Variants in IL3RA observed in about 807,000 individuals in gnomAD.
The protein encoded by IL3RA is interleukin 3 receptor subunit alpha.
A neutral mutation model predicts 52.3 loss-of-function variants in IL3RA; 73 were observed. That is an observed-to-expected ratio of 1.40 (90% CI 1.16 to 1.70). The LOEUF (loss-of-function observed/expected upper bound fraction) is 1.70. IL3RA is among the 40% of genes most tolerant of loss of function. The probability of loss-of-function intolerance (pLI) is 0.00; values close to 1 mark genes in which losing one functional copy is unlikely to be tolerated. For synonymous variants in IL3RA, 260 were observed against 194.0 expected (o/e 1.34, Z -2.83); for missense variants, 664 against 504.4 (o/e 1.32, Z -3.03).
Position 1,367,593 on chromosome X carries a change from CGGGTGCGCG to C in IL3RA, c.874+2347_874+2355del, listed in dbSNP as rs1160905768. On this transcript the variant is annotated intron_variant, in intron 9 of 11. Transcript: ENST00000331035. Reference sequence around the variant, plus strand: ...GGTGCGCGGGGTGAGCGGGGTGAGCCGGGTGCGCGGGGTGAGCGGGGTGCGCGGGGTGAG... The same window carrying C: ...GGTGCGCGGGGTGAGCGGGGTGAGCCGGGTGAGCGGGGTGCGCGGGGTGAG... Among the ~76,000 whole-genome samples, 34 of 46,090 alleles carry C rather than the reference CGGGTGCGCG, an allele frequency of 7.4e-4. 1 individual carries two copies. Among genetic ancestry groups the C allele is most frequent in the Non-Finnish European group, 1.0e-3 (27 of 26,338 alleles). 30.2% of individuals were successfully genotyped at this position (46,090 alleles called of 152,430 possible).
intron 2 of IL3RA, among the ~76,000 whole-genome samples, chrX:1,344,013 C>G (rs1263719985): frequency 7.9e-5 from 12 of 151,962 alleles, no homozygotes; most frequent in African/African-American, 2.7e-4. Context: ...CCAGGATGGT[C>G]TTGATCACTT....
chrX:1,349,194 T>TC, intron 4 of IL3RA, among the ~76,000 whole-genome samples: 1 of 151,206 alleles, frequency 6.6e-6, no homozygotes, highest in South Asian at 2.1e-4. Context: ...CACCTTTTTT[T>TC]TTTTTTAGAC....
chrX:1,339,370 T>A (rs1164132618), intron 1 of IL3RA, among the ~76,000 whole-genome samples: 1 of 152,178 alleles, frequency 6.6e-6, no homozygotes, highest in Non-Finnish European at 1.5e-5. Context: ...TGGAACCTCA[T>A]TTTACCTTTT....
Position 1,358,888 on chromosome X carries a change from G to C in IL3RA, c.759+1G>C. 6.2e-7 allele frequency: 1 copy of C among 1,612,236 alleles called. No homozygotes were observed. Among genetic ancestry groups the C allele is most frequent in the Non-Finnish European group, 8.5e-7 (1 of 1,179,066 alleles). On this transcript the variant is annotated splice_donor_variant, in intron 8 of 11. Transcript: ENST00000331035. LOFTEE classifies it high-confidence loss of function. ...AATGCAGCCTGTAATCACAGAACAG[G>C]TGAGTGTTCCCTACCCCCAGCCGCT... is the stretch of plus-strand genomic sequence containing the variant.
At chrX:1,348,666 CTTTCTT>C (rs1239606137) in intron 4 of IL3RA, 121 bp downstream of exon 4, 6 of 451,404 alleles carry the variant, frequency 1.3e-5, no homozygotes, top group East Asian at 6.7e-5. Flanking sequence ...TTCTTTCTTT[CTTTCTT>C]TCTTTCTTTC....
Position 1,380,873 on chromosome X carries a change from C to T in IL3RA, c.981-150C>T, listed in dbSNP as rs1404078619. The stretch of plus-strand genomic sequence containing the variant: ...GATGATGGTCGGGGGCGTGTCAGGG[C>T]CTCAGGGGCCGGGAAAATAGAGACC... On this transcript the variant is annotated intron_variant, in intron 10 of 11. Transcript: ENST00000331035. 3.0e-5 allele frequency: 21 copies of T among 708,434 alleles called. No individual in the cohort carries two copies. In the Admixed American group the frequency reaches 4.9e-4, roughly 16 times the overall value. The allele number at this position is 708,434 out of a possible 1,614,324, so 43.9% of individuals were successfully genotyped here.
intron 4 of IL3RA, 63 bp downstream of exon 4, chrX:1,348,608 C>A: frequency 8.7e-7 from 1 of 1,149,292 alleles, no homozygotes; most frequent in Non-Finnish European, 1.3e-6. Context: ...CTCTCCCTCC[C>A]TCTCGCCTTC....
chrX:1,354,109 T>C (rs767406694), intron 6 of IL3RA, among the ~76,000 whole-genome samples: 11 of 149,528 alleles, frequency 7.4e-5, no homozygotes, highest in African/African-American at 2.5e-4. Flanking sequence ...TCATCATGGG[T>C]CATGGGTCCC....
chrX:1,363,086 T>C (rs2087592066), intron 8 of IL3RA, among the ~76,000 whole-genome samples: 1 of 150,832 alleles, frequency 6.6e-6, no homozygotes, highest in Admixed American at 6.6e-5. Context: ...ACGTCTCCTC[T>C]TCTTATAAGG....
At chrX:1,355,812 T>C (rs1430498264) in intron 6 of IL3RA, among the ~76,000 whole-genome samples, 2 of 149,728 alleles carry the variant, frequency 1.3e-5, no homozygotes, top group African/African-American at 4.9e-5. Flanking sequence ...GCATGGGAAG[T>C]AGGGGTTGGC....
At chrX:1,365,065 T>C (rs1458959710) in intron 8 of IL3RA, 73 bp from the exon 9 acceptor site, 2 of 1,101,558 alleles carry the variant, frequency 1.8e-6, no homozygotes, top group African/African-American at 1.6e-5. Flanking sequence ...TGCCTTGGCC[T>C]CCCTAAGTGC....
At chrX:1,379,746 G>C (rs1467355260) in intron 10 of IL3RA, among the ~76,000 whole-genome samples, 1 of 152,158 alleles carries the variant, frequency 6.6e-6, no homozygotes, top group Non-Finnish European at 1.5e-5. Flanking sequence ...TCACCAGCTG[G>C]GTCACCCCAG....
intron 3 of IL3RA, among the ~76,000 whole-genome samples, chrX:1,347,965 A>C (rs766723768): frequency 6.7e-6 from 1 of 148,162 alleles, no homozygotes; most frequent in East Asian, 2.0e-4. Flanking sequence ...TGAACCCGGG[A>C]GGGAGAGGCT....
At chrX:1,348,691 T>TTTCG in intron 4 of IL3RA, 146 bp downstream of exon 4, 1 of 213,002 alleles carries the variant, frequency 4.7e-6, no homozygotes, top group South Asian at 6.0e-5. Context: ...TCTTTCTTTC[T>TTTCG]TTTTCTTTCT....
intron 8 of IL3RA, 33 bp from the exon 9 acceptor site, chrX:1,365,104 TG>T: frequency 2.0e-6 from 3 of 1,518,412 alleles, no homozygotes; most frequent in Non-Finnish European, 1.8e-6. Flanking sequence ...CCACCATACC[TG>T]GCCCCTCTTC....
intron 3 of IL3RA, among the ~76,000 whole-genome samples, chrX:1,347,930 G>T (rs184606745): frequency 1.3e-4 from 19 of 151,506 alleles, no homozygotes; most frequent in African/African-American, 3.9e-4. Flanking sequence ...CCAGCTACTT[G>T]GGAGGATGAG....
rs866859014 is a variant in IL3RA at position 1,367,203 on chromosome X, A to C, written c.874+1951A>C. 1.1e-4 allele frequency among the ~76,000 whole-genome samples: 3 copies of C among 27,200 alleles called. 1 individual carries two copies. The highest frequency in any genetic ancestry group is 4.6e-4 in the African/African-American group (2 of 4,360). The allele number at this position is 27,200 out of a possible 152,430, so 17.8% of individuals were successfully genotyped here. The stretch of plus-strand genomic sequence containing the variant: ...CGGGGTGAGCGGGGTGCGCCGGGTG[A>C]GCGGGGTGAGCGGGGTGAGCCGGGT... On this transcript the variant is annotated intron_variant, in intron 9 of 11. Coordinates refer to ENST00000331035, the MANE Select transcript of IL3RA (RefSeq NM_002183.4).
At chrX:1,352,622 T>A (rs1414972651) in intron 6 of IL3RA, 116 bp downstream of exon 6, 5 of 1,109,738 alleles carry the variant, frequency 4.5e-6, no homozygotes, top group African/African-American at 3.2e-5. Flanking sequence ...CCTCTCACAT[T>A]TCCAGAGGCT....
intron 2 of IL3RA, among the ~76,000 whole-genome samples, chrX:1,344,770 T>C: frequency 6.6e-6 from 1 of 150,882 alleles, no homozygotes; most frequent in Non-Finnish European, 1.5e-5. Context: ...CAAAACTCCG[T>C]CTCAAAAAAA....
Sources: allele counts gnomAD v4.1 joint callset (sites outside exome capture counted in the v4.1 genomes callset), GRCh38; gene constraint gnomAD v4.1.1; transcripts MANE v1.5; gene names NCBI Gene and HGNC (gene_info 2026-07-23, HGNC 2026-07-21).